Variants in TSN observed in about 807,000 individuals in gnomAD.
The protein encoded by TSN is component 3 of promoter of RISC.
TSN carries 5 observed loss-of-function variants against 29.4 expected under a neutral mutation model. The ratio of observed to expected loss-of-function variants is 0.17; its 90% confidence interval spans 0.09 to 0.36. The LOEUF (loss-of-function observed/expected upper bound fraction) is 0.36, where lower values mean the gene tolerates loss of function less well. Among genes scored for constraint, TSN ranks in the 10% least tolerant of loss-of-function variants. The pLI, the probability that TSN is intolerant of heterozygous loss-of-function variation, is 1.00. For missense variants in TSN, 159 were observed against 272.8 expected (o/e 0.58, Z 2.94); for synonymous variants, 106 against 102.2 (o/e 1.04, Z -0.23).
intron 1 of TSN, chr2:121,756,135 C>A: frequency 2.0e-6 from 1 of 507,184 alleles, no homozygotes; most frequent in Admixed American, 3.4e-5. Context: ...ACCTGGTCTT[C>A]AGCGAATGAG....
rs1170980608 is a variant in TSN at position 121,767,843 on chromosome 2, T to G, written c.*2476T>G. ...AAATTAAAGTTTGCTTGTTTCTTGGTCTGGATTAAACTGTTTGTCCTCCTT... is the reference window on the plus strand; with the variant it reads ...AAATTAAAGTTTGCTTGTTTCTTGGGCTGGATTAAACTGTTTGTCCTCCTT... On this transcript the variant is annotated 3_prime_UTR_variant, in exon 6 of 6. Transcript: ENST00000389682. 1 of 152,114 alleles carries G rather than the reference T, an allele frequency of 6.6e-6. No homozygotes were observed. Among genetic ancestry groups the G allele is most frequent in the Non-Finnish European group, 1.5e-5 (1 of 68,026 alleles). 9.4% of individuals were successfully genotyped at this position (152,114 alleles called of 1,614,324 possible).
intron 5 of TSN, among the ~76,000 whole-genome samples, chr2:121,763,310 T>G (rs1217150841): frequency 6.6e-6 from 1 of 151,162 alleles, no homozygotes; most frequent in Non-Finnish European, 1.5e-5. Context: ...ACCCGGCTAA[T>G]TTTTTTTTGT....
intron 5 of TSN, among the ~76,000 whole-genome samples, chr2:121,763,346 C>T (rs901503427): frequency 5.3e-5 from 8 of 151,982 alleles, no homozygotes; most frequent in Admixed American, 1.3e-4. Flanking sequence ...GGGGTTTCAC[C>T]GTGTTAGCCA....
intron 3 of TSN, among the ~76,000 whole-genome samples, chr2:121,761,169 C>T (rs1315306912): frequency 4.6e-5 from 7 of 152,074 alleles, no homozygotes; most frequent in East Asian, 1.9e-4. Context: ...TCGCACCCGG[C>T]GTAAATTTTC....
At chr2:121,764,141 G>A (rs975184270) in intron 5 of TSN, among the ~76,000 whole-genome samples, 3 of 152,176 alleles carry the variant, frequency 2.0e-5, no homozygotes, top group African/African-American at 7.2e-5. Context: ...AGGCAGAAAT[G>A]GAGTCTATTG....
chr2:121,756,613 A>G (rs2074752488), intron 1 of TSN: 3 of 1,299,810 alleles, frequency 2.3e-6, no homozygotes, highest in Non-Finnish European at 3.0e-6. Flanking sequence ...TATTTTAAAA[A>G]TGAATTAGAG....
intron 3 of TSN, among the ~76,000 whole-genome samples, chr2:121,759,156 A>T (rs1356485181): frequency 1.3e-5 from 2 of 152,242 alleles, no homozygotes; most frequent in Non-Finnish European, 2.9e-5. Context: ...CAGTATATAT[A>T]TGGAGTCGAG....
At chr2:121,763,137 GTTTTTTTT>G in intron 5 of TSN, 53 bp downstream of exon 5, 3 of 507,838 alleles carry the variant, frequency 5.9e-6, no homozygotes, top group Non-Finnish European at 8.8e-6. Flanking sequence ...TTCACTGTCA[GTTTTTTTT>G]TTTTTTTTTT....
chr2:121,756,583 A>C (rs1338950362), intron 1 of TSN: 1 of 1,271,738 alleles, frequency 7.9e-7, no homozygotes, highest in Non-Finnish European at 1.0e-6. Context: ...AGTGCCTCGC[A>C]CATAAGTATG....
chr2:121,757,130 A>C (rs527470856), intron 1 of TSN, 110 bp from the exon 2 acceptor site: 1 of 996,034 alleles, frequency 1.0e-6, no homozygotes, highest in South Asian at 1.6e-5. Flanking sequence ...TGGAAAAGTC[A>C]GGATTCAAAC....
chr2:121,758,962 TG>T (rs1419928507), intron 3 of TSN, among the ~76,000 whole-genome samples, 156 bp downstream of exon 3: 1 of 152,208 alleles, frequency 6.6e-6, no homozygotes, highest in African/African-American at 2.4e-5. Context: ...CAAAAATTGG[TG>T]ATTTTATTTT....
intron 3 of TSN, among the ~76,000 whole-genome samples, chr2:121,761,073 T>G (rs2074820484): frequency 6.6e-6 from 1 of 152,130 alleles, no homozygotes; most frequent in African/African-American, 2.4e-5. Flanking sequence ...TTTTGCCATG[T>G]TGGCCAGGCT....
At chr2:121,765,059 G>A (rs2074884513) in intron 5 of TSN, 75 bp from the exon 6 acceptor site, 17 of 1,415,444 alleles carry the variant, frequency 1.2e-5, no homozygotes, top group Non-Finnish European at 1.7e-5. Context: ...GGTTCTTCTG[G>A]TTGTGATTCA....
chr2:121,755,898 A>G (rs909944237), intron 1 of TSN, 53 bp downstream of exon 1: 2 of 1,610,108 alleles, frequency 1.2e-6, no homozygotes, highest in South Asian at 1.1e-5. Context: ...TAGTTGGGCC[A>G]CTTCGCCCGG....
intron 4 of TSN, among the ~76,000 whole-genome samples, chr2:121,762,153 C>A (rs532352527): frequency 6.6e-6 from 1 of 152,082 alleles, no homozygotes; most frequent in East Asian, 1.9e-4. Context: ...CCACCACACC[C>A]GGCTAATTTT....
At chr2:121,763,294 C>A (rs1412231435) in intron 5 of TSN, among the ~76,000 whole-genome samples, 1 of 152,100 alleles carries the variant, frequency 6.6e-6, no homozygotes, top group Non-Finnish European at 1.5e-5. Context: ...AGGCGCCCGC[C>A]ACCACACCCG....
At chr2:121,761,092 A>G (rs1450392385) in intron 3 of TSN, among the ~76,000 whole-genome samples, 2 of 150,376 alleles carry the variant, frequency 1.3e-5, no homozygotes, top group Non-Finnish European at 3.0e-5. Flanking sequence ...CTGGTCTTGA[A>G]CTCCTTACCT....
chr2:121,764,942 G>T (rs530054779), intron 5 of TSN, among the ~76,000 whole-genome samples, 192 bp from the exon 6 acceptor site: 92 of 152,162 alleles, frequency 6.0e-4, no homozygotes, highest in Non-Finnish European at 1.2e-3. Flanking sequence ...ATTTTACTTG[G>T]CAGAACTGGT....
At chr2:121,756,745 A>T in intron 1 of TSN, 5 of 582,746 alleles carry the variant, frequency 8.6e-6, no homozygotes, top group Non-Finnish European at 1.3e-5. Context: ...TCTCTACTAA[A>T]AATATAAAAG....
Sources: gnomAD v4.1 joint callset for allele counts (sites outside exome capture counted in the v4.1 genomes callset) on GRCh38, gnomAD v4.1.1 for gene constraint, MANE v1.5 for transcripts, NCBI Gene and HGNC (gene_info 2026-07-23, HGNC 2026-07-21) for gene names.